The following CYP4F11 variants were observed in gnomAD, a reference collection of about 807,000 sequenced individuals.
The protein encoded by CYP4F11 is cytochrome P450 family 4 subfamily F member 11.
In CYP4F11, 79 loss-of-function variants were observed where a neutral mutation model predicts 62.2. The ratio of observed to expected loss-of-function variants is 1.27; its 90% confidence interval spans 1.06 to 1.53. The LOEUF (loss-of-function observed/expected upper bound fraction) is 1.53, where lower values mean the gene tolerates loss of function less well. Among genes scored for constraint, CYP4F11 ranks in the 40% most tolerant of loss-of-function variants. The pLI is 0.00. For synonymous variants in CYP4F11, 290 were observed against 263.7 expected (o/e 1.10, Z -0.97); for missense variants, 777 against 680.5 (o/e 1.14, Z -1.58).
In CYP4F11 at chr19:15,913,731, G is replaced by A. The variant is rs2089556238; in HGVS notation, c.*1C>T. The A allele has an allele frequency of 3.1e-6, 5 of 1,614,010 alleles. No homozygotes were observed. Among genetic ancestry groups the A allele is most frequent in the Non-Finnish European group, 2.5e-6 (3 of 1,179,994 alleles). ...CAGAGGTGGGTGGGTGGGTAGGACA[G>A]TCACTGTGAGTTCGCACCCAGGGGC... On this transcript the variant is annotated 3_prime_UTR_variant, in exon 12 of 12. Transcript: ENST00000402119.
chr19:15,930,102 G>A (rs893698231), intron 1 of CYP4F11, among the ~76,000 whole-genome samples: 18 of 101,922 alleles, frequency 1.8e-4, no homozygotes, highest in Admixed American at 9.4e-5. Context: ...GATATAAGCG[G>A]GAAGATATCC....
chr19:15,927,879 C>T (rs977570320), intron 2 of CYP4F11: 4 of 201,504 alleles, frequency 2.0e-5, no homozygotes, highest in Middle Eastern at 1.9e-3. Context: ...TGTTAACATT[C>T]CCTGACATGG....
chr19:15,927,102 C>G, intron 4 of CYP4F11, 110 bp downstream of exon 4: 1 of 1,291,828 alleles, frequency 7.7e-7, no homozygotes, highest in South Asian at 1.5e-5. Flanking sequence ...AACCAAGGCT[C>G]AGAGAGGAAG....
chr19:15,927,699 C>T (rs2089681323), intron 2 of CYP4F11: 1 of 603,950 alleles, frequency 1.7e-6, no homozygotes, highest in Non-Finnish European at 2.9e-6. Flanking sequence ...CAGCATGCCC[C>T]AGCACACAGT....
intron 3 of CYP4F11, 32 bp downstream of exon 3, chr19:15,927,398 T>C (rs2089678646): frequency 1.9e-6 from 3 of 1,614,030 alleles, no homozygotes; most frequent in Non-Finnish European, 2.5e-6. Context: ...CCCTAAAGGA[T>C]ATCCCCAACC....
At position 15,913,891 on chromosome 19, in the gene CYP4F11, C is replaced by A. The variant is rs1446610856; in HGVS notation, c.1416G>T (p.Ala472=). Residue 472 remains alanine, a synonymous_variant, in exon 12 of 12, where the codon GCG becomes GCT. Coordinates refer to ENST00000402119, the MANE Select transcript of CYP4F11 (RefSeq NM_021187.4). ...CCACCTTCATCTCAGCCATGGCGAACGCCTGCCCGATGCAGTTTCTGGGGG... is the reference window on the plus strand; with the variant it reads ...CCACCTTCATCTCAGCCATGGCGAAAGCCTGCCCGATGCAGTTTCTGGGGG... The part of the protein sequence containing the change: ...SAGPRNCIGQ[A]FAMAEMKVVL... 6.2e-7 allele frequency: 1 copy of A among 1,613,320 alleles called. No homozygotes were observed. Among genetic ancestry groups the A allele is most frequent in the South Asian group, 1.1e-5 (1 of 90,936 alleles).
chr19:15,929,374 C>A lies in CYP4F11; in HGVS notation c.343+83G>T, dbSNP rs529385277. ...AAGAGGGGCCTGGGCCCTGCAGGGGCCACACAGAAGCTTGGGGAGGGGAGA... is the reference window on the plus strand; with the variant it reads ...AAGAGGGGCCTGGGCCCTGCAGGGGACACACAGAAGCTTGGGGAGGGGAGA... On this transcript the variant is annotated intron_variant, in intron 2 of 11. Transcript: ENST00000402119. The A allele has an allele frequency of 3.2e-4, 503 of 1,578,060 alleles. No homozygotes were observed. The African/African-American group carries it at 6.0e-3, about 19-fold the overall frequency.
chr19:15,927,362 T>C (rs1042196567), intron 3 of CYP4F11, 23 bp from the exon 4 acceptor site: 1 of 1,613,950 alleles, frequency 6.2e-7, no homozygotes, highest in South Asian at 1.1e-5. Flanking sequence ...CCAAGGACAG[T>C]GGTCAAGGGC....
Position 15,913,910 on chromosome 19 carries a change from C to T in CYP4F11, c.1398-1G>A. 1 of 1,610,018 alleles carries T rather than the reference C, an allele frequency of 6.2e-7. No homozygotes were observed. Among genetic ancestry groups the T allele is most frequent in the Non-Finnish European group, 8.5e-7 (1 of 1,178,092 alleles). On this transcript the variant is annotated splice_acceptor_variant, in intron 11 of 11. Transcript: ENST00000402119. LOFTEE classifies it high-confidence loss of function. ...GGCGAACGCCTGCCCGATGCAGTTT[C>T]TGGGGGCAAAAGTGAGGGAATCTGA...
rs766825745 is a variant in CYP4F11 at position 15,923,810 on chromosome 19, A to G, written c.918+2T>C. Reference sequence around the variant, plus strand: ...TTGAATTCACATCCCAGAGAAGCCTACCTTGCTCAGCAGAAGCACATCAAT... The same window carrying G: ...TTGAATTCACATCCCAGAGAAGCCTGCCTTGCTCAGCAGAAGCACATCAAT... On this transcript the variant is annotated splice_donor_variant, in intron 6 of 11. Coordinates refer to ENST00000402119, the MANE Select transcript of CYP4F11 (RefSeq NM_021187.4). LOFTEE classifies it high-confidence loss of function. The G allele has an allele frequency of 2.2e-5, 36 of 1,610,910 alleles. No individual in the cohort carries two copies. The African/African-American group carries it at 3.5e-4, about 16-fold the overall frequency.
chr19:15,923,533 A>T (rs1206323139), intron 6 of CYP4F11, among the ~76,000 whole-genome samples: 1 of 152,206 alleles, frequency 6.6e-6, no homozygotes, highest in Non-Finnish European at 1.5e-5. Flanking sequence ...TGCATCTGTC[A>T]TCATAGATAT....
intron 1 of CYP4F11, among the ~76,000 whole-genome samples, chr19:15,931,529 G>GGAATCAGTGAGTGAGGAGAA (rs1480513165): frequency 1.9e-5 from 2 of 104,810 alleles, no homozygotes; most frequent in Non-Finnish European, 2.2e-5. Context: ...GCACATCAGA[G>GGAATCAGTGAGTGAGGAGAA]GAATGAGTGA....
At chr19:15,920,871 A>G (rs527818940) in intron 8 of CYP4F11, among the ~76,000 whole-genome samples, 3 of 150,808 alleles carry the variant, frequency 2.0e-5, no homozygotes, top group Admixed American at 6.6e-5. Flanking sequence ...CTCCCTCTCT[A>G]TTCATCTCTC....
intron 4 of CYP4F11, among the ~76,000 whole-genome samples, chr19:15,925,729 T>TACACACACACACACAC (rs61395286): frequency 7.1e-4 from 102 of 142,924 alleles, no homozygotes; most frequent in East Asian, 3.7e-3. Flanking sequence ...TACATATATG[T>TACACACACACACACAC]ACACACACAC....
In CYP4F11 at chr19:15,923,926, A is replaced by C; in HGVS notation, c.804T>G (p.Asp268Glu). Residue 268 changes from aspartate (D) to glutamate (E), a missense_variant, in exon 6 of 12, where the codon GAT (aspartate) becomes GAG (glutamate). Coordinates refer to ENST00000402119, the MANE Select transcript of CYP4F11 (RefSeq NM_021187.4). ...RACHLVHDFT[D>E]AVIQERRCTL... ...TGCAGCGCCGCTCCTGGATGACGGC[A>C]TCTGTGAAGTCGTGCACCAGGTGGC... 2 of 1,614,204 alleles carry C rather than the reference A, an allele frequency of 1.2e-6. No individual in the cohort carries two copies. Among genetic ancestry groups the C allele is most frequent in the South Asian group, 2.2e-5 (2 of 91,086 alleles).
At position 15,912,683 on chromosome 19, in the gene CYP4F11, AT is replaced by A. The variant is rs1568479445; in HGVS notation, c.*1048del. 4.6e-4 allele frequency: 20 copies of A among 43,858 alleles called. 1 individual carries two copies. Among genetic ancestry groups the A allele is most frequent in the African/African-American group, 1.3e-3 (16 of 11,890 alleles). 2.7% of individuals were successfully genotyped at this position (43,858 alleles called of 1,614,324 possible). On this transcript the variant is annotated 3_prime_UTR_variant, in exon 12 of 12. Coordinates refer to ENST00000402119, the MANE Select transcript of CYP4F11 (RefSeq NM_021187.4). ...CCATCCTCAGGAAAAAAAAAAAAAT[AT>A]ATATATATATATATGTGTGTGTGTG...
At chr19:15,924,123 A>T in intron 5 of CYP4F11, 41 bp from the exon 6 acceptor site, 4 of 1,593,666 alleles carry the variant, frequency 2.5e-6, no homozygotes, top group Non-Finnish European at 3.4e-6. Context: ...GCAAAGTCCC[A>T]GGAGCACCTC....
At chr19:15,916,174 GA>G (rs1375354100) in intron 8 of CYP4F11, among the ~76,000 whole-genome samples, 1 of 152,052 alleles carries the variant, frequency 6.6e-6, no homozygotes, top group Non-Finnish European at 1.5e-5. Context: ...TCAATATTAT[GA>G]TGTTACCTGT....
rs866268307 is a variant in CYP4F11 at position 15,924,612 on chromosome 19, T to C, written c.647+149A>G. 6.1e-6 allele frequency: 5 copies of C among 823,092 alleles called. No homozygotes were observed. In the East Asian group the frequency reaches 9.4e-5, roughly 15 times the overall value. 51.0% of individuals were successfully genotyped at this position (823,092 alleles called of 1,614,324 possible). ...TCCACAACCTCATGTCTACTGTCTC[T>C]TTCCCCCTCCCCATCCTTCAAAGCC... is the stretch of plus-strand genomic sequence containing the variant. On this transcript the variant is annotated intron_variant, in intron 5 of 11. Transcript: ENST00000402119.
Sources: gnomAD v4.1 joint callset for allele counts (sites outside exome capture counted in the v4.1 genomes callset) on GRCh38, gnomAD v4.1.1 for gene constraint, MANE v1.5 for transcripts, NCBI Gene and HGNC (gene_info 2026-07-23, HGNC 2026-07-21) for gene names.